The following AMER3 variants were observed in gnomAD, a reference collection of about 807,000 sequenced individuals.
The protein encoded by AMER3 is APC membrane recruitment protein 3.
For missense variants in AMER3, 1,201 were observed against 1,139.4 expected, an observed-to-expected ratio of 1.05 and a Z score of -0.78; for synonymous variants, 541 against 485.5, an observed-to-expected ratio of 1.11 and a Z score of -1.50.
intron 1 of AMER3, among the ~76,000 whole-genome samples, chr2:130,758,158 C>T (rs1418304807): frequency 6.6e-6 from 1 of 150,904 alleles, no homozygotes; most frequent in Non-Finnish European, 1.5e-5. Flanking sequence ...ACAAAAAACC[C>T]ACCATCCTGG....
chr2:130,762,029 G>C (rs2104778298), intron 1 of AMER3, 25 bp from the exon 2 acceptor site: 3 of 1,585,088 alleles, frequency 1.9e-6, no homozygotes, highest in East Asian at 4.5e-5. Flanking sequence ...CTATGATACT[G>C]AGTGCCTCCT....
Position 130,763,628 on chromosome 2 carries a change from G to A in AMER3, c.1556G>A (p.Arg519His), listed in dbSNP as rs746690951. The part of the protein sequence containing the change: ...VSWLRRGPTP[R>H]APPTPGQPAA... ...TGGCTGCGCCGAGGCCCCACGCCCC[G>A]TGCCCCACCCACCCCTGGGCAGCCT... Residue 519 changes from arginine (R) to histidine (H), a missense_variant, in exon 2 of 2, where the codon CGT becomes CAT. Physicochemically the swap from Arg to His is conservative, Grantham distance 29. Transcript: ENST00000321420. 49 of 898,632 alleles carry A rather than the reference G, an allele frequency of 5.5e-5. No individual in the cohort carries two copies. The highest frequency in any genetic ancestry group is 1.0e-4 in the East Asian group (2 of 19,330). 55.7% of individuals were successfully genotyped at this position (898,632 alleles called of 1,614,324 possible).
rs931271102 is a variant in AMER3, at chr2:130,767,891, C to T, written c.*3233C>T. ...CCCAGCTCCAAAGGCCCTGCTCTTC[C>T]TCAAGCTCCAGAACCTCTCACTGAG... is the stretch of plus-strand genomic sequence containing the variant. On this transcript the variant is annotated 3_prime_UTR_variant, in exon 2 of 2. Coordinates refer to ENST00000321420, the MANE Select transcript of AMER3 (RefSeq NM_152698.3). The T allele has an allele frequency of 6.0e-6, 1 of 167,414 alleles. No individual in the cohort carries two copies. The highest frequency in any genetic ancestry group is 2.1e-4 in the South Asian group (1 of 4,830). 10.4% of individuals were successfully genotyped at this position (167,414 alleles called of 1,614,324 possible).
Position 130,758,350 on chromosome 2 carries a change from G to A in AMER3, c.-20+2676G>A, listed in dbSNP as rs184178382. Among the ~76,000 whole-genome samples, 733 of 150,152 alleles carry A rather than the reference G, an allele frequency of 4.9e-3. 8 individuals carry two copies. Among genetic ancestry groups the A allele is most frequent in the African/African-American group, 0.017 (681 of 40,782 alleles). On this transcript the variant is annotated intron_variant, in intron 1 of 1. Coordinates refer to ENST00000321420, the MANE Select transcript of AMER3 (RefSeq NM_152698.3). ...CTGCACTCAAGCCTGGGCAACAGAG[G>A]GAGAAAAGAAAGAAGGAAAGAAGGA...
intron 1 of AMER3, among the ~76,000 whole-genome samples, chr2:130,757,784 G>A (rs2104772175): frequency 6.6e-6 from 1 of 152,250 alleles, no homozygotes; most frequent in East Asian, 1.9e-4. Flanking sequence ...TTGCAAGTTC[G>A]TCTTAGAGAT....
In AMER3 at chr2:130,764,304, G is replaced by C. The variant is rs1332295601; in HGVS notation, c.2232G>C (p.Arg744Ser). ...ACTCAGCCAGCACACAGGACCAGAG[G>C]TGTCGAGATCGTGTCCAGGACCTGA... Reference protein sequence around the residue: ...LPYSASTQDQRCRDRVQDLSW... With the variant: ...LPYSASTQDQSCRDRVQDLSW... The change falls in exon 2 of 2, where the codon AGG becomes AGC. Residue 744 changes from arginine (R) to serine (S), a missense_variant. By Grantham distance (110) the Arg-to-Ser change is moderately radical (BLOSUM62 -1). Coordinates refer to ENST00000321420, the MANE Select transcript of AMER3 (RefSeq NM_152698.3). The C allele has an allele frequency of 6.2e-7, 1 of 1,608,168 alleles. No homozygotes were observed. The highest frequency in any genetic ancestry group is 8.5e-7 in the Non-Finnish European group (1 of 1,176,224).
At chr2:130,757,920 C>A (rs1046120027) in intron 1 of AMER3, among the ~76,000 whole-genome samples, 1 of 152,110 alleles carries the variant, frequency 6.6e-6, no homozygotes, top group Non-Finnish European at 1.5e-5. Flanking sequence ...ATCACAAGGT[C>A]AAGAGATCAA....
At chr2:130,756,079 C>T (rs1452129758) in intron 1 of AMER3, among the ~76,000 whole-genome samples, 1 of 151,350 alleles carries the variant, frequency 6.6e-6, no homozygotes, top group Non-Finnish European at 1.5e-5. Context: ...GCGGCCCGAG[C>T]GGCGGCGCAG....
At position 130,762,884 on chromosome 2, in the gene AMER3, G is replaced by C. The variant is rs1246083823; in HGVS notation, c.812G>C (p.Ser271Thr). The C allele has an allele frequency of 6.2e-7, 1 of 1,613,258 alleles. No individual in the cohort carries two copies. Among genetic ancestry groups the C allele is most frequent in the African/African-American group, 1.3e-5 (1 of 75,042 alleles). The change falls in exon 2 of 2, where the codon AGC (serine) becomes ACC (threonine). Residue 271 changes from serine (S) to threonine (T), a missense_variant. Physicochemically the swap from Ser to Thr is moderately conservative, Grantham distance 58 (BLOSUM62 1). Coordinates refer to ENST00000321420, the MANE Select transcript of AMER3 (RefSeq NM_152698.3). ...PSLELNEGPE[S>T]PTQAAQGLES... ...CTGGAGCTGAACGAGGGCCCGGAGA[G>C]CCCAACCCAGGCTGCTCAGGGCCTG...
At chr2:130,760,998 C>T (rs1678761383) in intron 1 of AMER3, among the ~76,000 whole-genome samples, 1 of 152,100 alleles carries the variant, frequency 6.6e-6, no homozygotes, top group Non-Finnish European at 1.5e-5. Flanking sequence ...CCTACATTAC[C>T]CCTGCAGCCG....
At chr2:130,755,721 A>T (rs1248167098) in intron 1 of AMER3, 47 bp downstream of exon 1, 2 of 152,334 alleles carry the variant, frequency 1.3e-5, no homozygotes, top group Non-Finnish European at 2.9e-5. Flanking sequence ...TTAATAATAG[A>T]GTCAGGTCCC....
chr2:130,756,756 G>T (rs1326026842), intron 1 of AMER3, among the ~76,000 whole-genome samples: 3 of 152,174 alleles, frequency 2.0e-5, no homozygotes, highest in African/African-American at 7.2e-5. Context: ...CAGTGTGGGG[G>T]TTGGGTGGCT....
At position 130,763,041 on chromosome 2, in the gene AMER3, C is replaced by T. The variant is rs1678847016; in HGVS notation, c.969C>T (p.Ala323=). The change falls in exon 2 of 2, where the codon GCC becomes GCT. Residue 323 remains alanine (A), a synonymous_variant. Coordinates refer to ENST00000321420, the MANE Select transcript of AMER3 (RefSeq NM_152698.3). ...VNRSVRQQQR[A]LLGPWLSGPQ... ...GCTCAGTGCGTCAGCAGCAGCGTGC[C>T]CTCCTAGGCCCGTGGCTTTCAGGCC... 1.9e-6 allele frequency: 3 copies of T among 1,613,020 alleles called. No individual in the cohort carries two copies. Among genetic ancestry groups the T allele is most frequent in the Admixed American group, 1.7e-5 (1 of 59,990 alleles).
In AMER3 at chr2:130,765,491, A is replaced by T. The variant is rs1678958056; in HGVS notation, c.*833A>T. ...ACACACACAGTTGCCCAAAGAGCGG[A>T]GATGGCAAGAACTTTCATCTCTCAC... On this transcript the variant is annotated 3_prime_UTR_variant, in exon 2 of 2. Coordinates refer to ENST00000321420, the MANE Select transcript of AMER3 (RefSeq NM_152698.3). The T allele has an allele frequency of 6.0e-6, 1 of 167,002 alleles. No individual in the cohort carries two copies. The highest frequency in any genetic ancestry group is 1.5e-5 in the Non-Finnish European group (1 of 68,126). The allele number at this position is 167,002 out of a possible 1,614,324, so 10.3% of individuals were successfully genotyped here.
Position 130,763,152 on chromosome 2 carries a change from C to A in AMER3, c.1080C>A (p.Ser360Arg). 1 of 1,613,410 alleles carries A rather than the reference C, an allele frequency of 6.2e-7. No homozygotes were observed. The highest frequency in any genetic ancestry group is 8.5e-7 in the Non-Finnish European group (1 of 1,180,022). The change falls in exon 2 of 2, where the codon AGC becomes AGA. Residue 360 changes from serine (S) to arginine (R), a missense_variant. Transcript: ENST00000321420. ...TCTGCCCCTGCAGGGACCCTCGCAG[C>A]GGCTCCAAAGCCAGCTCCATCGACA... ...LPLCPCRDPR[S>R]GSKASSIDTG...
chr2:130,764,244 C>G lies in AMER3; in HGVS notation c.2172C>G (p.Ser724Arg). The G allele has an allele frequency of 1.2e-6, 2 of 1,610,244 alleles. No individual in the cohort carries two copies. Among genetic ancestry groups the G allele is most frequent in the Non-Finnish European group, 1.7e-6 (2 of 1,178,218 alleles). ...TGCTGGAGCAGAAACAGTCCAGCAG[C>G]TCCCCCAGCATGACCACCATCCATG... ...PDMLEQKQSS[S>R]SPSMTTIHGL... Residue 724 changes from serine to arginine, a missense_variant, in exon 2 of 2, where the codon AGC becomes AGG. Ser to Arg is a moderately radical substitution (Grantham distance 110). Transcript: ENST00000321420.
rs773198095 is a variant in AMER3, at chr2:130,764,352, C to T, written c.2280C>T (p.Thr760=). The T allele has an allele frequency of 3.6e-5, 58 of 1,610,608 alleles. No homozygotes were observed. In the East Asian group the frequency reaches 6.5e-4, roughly 18 times the overall value. ...QDLSWLRVEP[T]GLGVQAWASV... is the part of the protein sequence containing the mutation. The stretch of plus-strand genomic sequence containing the variant: ...TGAGCTGGCTCAGGGTGGAGCCCAC[C>T]GGGCTAGGTGTCCAGGCCTGGGCCT... Residue 760 remains threonine (T), a synonymous_variant, in exon 2 of 2, where the codon ACC becomes ACT. Transcript: ENST00000321420.
Position 130,765,602 on chromosome 2 carries a change from A to T in AMER3, c.*944A>T. On this transcript the variant is annotated 3_prime_UTR_variant, in exon 2 of 2. Transcript: ENST00000321420. ...ACACACGCACAATGCTTACACACAC[A>T]GTCAACCTGGGATGCCGGCAGGGTG... 6.0e-6 allele frequency: 1 copy of T among 167,146 alleles called. No homozygotes were observed. The allele number at this position is 167,146 out of a possible 1,614,324, so 10.4% of individuals were successfully genotyped here.
rs1313841346 is a variant in AMER3 at position 130,763,116 on chromosome 2, T to C, written c.1044T>C (p.Ala348=). 1.2e-6 allele frequency: 2 copies of C among 1,613,034 alleles called. No homozygotes were observed. Among genetic ancestry groups the C allele is most frequent in the Non-Finnish European group, 1.7e-6 (2 of 1,179,892 alleles). Residue 348 remains alanine (A), a synonymous_variant, in exon 2 of 2, where the codon GCT becomes GCC. Transcript: ENST00000321420. Reference sequence around the variant, plus strand: ...CCCGGCTGGACACAGCTGGGCTCGCTGAGCTGCCCCTCTGCCCCTGCAGGG... The same window carrying C: ...CCCGGCTGGACACAGCTGGGCTCGCCGAGCTGCCCCTCTGCCCCTGCAGGG... ...DQSRLDTAGL[A]ELPLCPCRDP... is the part of the protein sequence containing the mutation.
Sources: gnomAD v4.1 joint callset for allele counts (sites outside exome capture counted in the v4.1 genomes callset) on GRCh38, gnomAD v4.1.1 for gene constraint, MANE v1.5 for transcripts, NCBI Gene and HGNC (gene_info 2026-07-23, HGNC 2026-07-21) for gene names.